The following LRRC18 variants were observed in gnomAD, a reference collection of about 807,000 sequenced individuals.
LRRC18 encodes the protein leucine-rich repeat-containing protein 18.
LRRC18 carries 12 observed loss-of-function variants against 11.2 expected under a neutral mutation model. The observed-to-expected ratio is 1.07, with a 90% CI of 0.69 to 1.74. LRRC18 has a LOEUF of 1.74. LRRC18 is among the 40% of genes most tolerant of loss of function. LRRC18 has a pLI of 0.00. For missense variants in LRRC18, 374 were observed against 330.5 expected, an observed-to-expected ratio of 1.13 and a Z score of -1.02; for synonymous variants, 155 against 130.6, an observed-to-expected ratio of 1.19 and a Z score of -1.27.
the LRRC18 span, among the ~76,000 whole-genome samples, chr10:48,929,266 G>A: frequency 1.1e-4 from 17 of 152,148 alleles, no homozygotes; most frequent in East Asian, 2.3e-3. Context: ...AGGAGGAAAG[G>A]AAGGGAGGGT....
the LRRC18 span, among the ~76,000 whole-genome samples, chr10:48,919,509 T>C: frequency 2.0e-5 from 3 of 152,228 alleles, no homozygotes; most frequent in Non-Finnish European, 2.9e-5. Context: ...TACCATAGAC[T>C]AGTTGGCTTG....
At chr10:48,928,920 C>T in the LRRC18 span, among the ~76,000 whole-genome samples, 1 of 152,302 alleles carries the variant, frequency 6.6e-6, no homozygotes, top group South Asian at 2.1e-4. Context: ...GGCACTGTTC[C>T]AGGCAGCAAA....
chr10:48,910,590 C>T (rs1471619593), intron 1 of LRRC18, among the ~76,000 whole-genome samples: 3 of 152,196 alleles, frequency 2.0e-5, no homozygotes, highest in Admixed American at 6.5e-5. Flanking sequence ...CAGTCTGCTT[C>T]GTCCTGCTGC....
exon 1 of LRRC18, chr10:48,913,425 T>C (rs757276595): frequency 1.2e-6 from 2 of 1,613,002 alleles, no homozygotes; most frequent in African/African-American, 1.3e-5. Context: ...GGCCATGGAA[T>C]TGGGTGAGAT....
At chr10:48,926,742 G>A in the LRRC18 span, among the ~76,000 whole-genome samples, 1 of 152,180 alleles carries the variant, frequency 6.6e-6, no homozygotes, top group Non-Finnish European at 1.5e-5. Flanking sequence ...CATTAATGGA[G>A]TCATTTAACT....
At chr10:48,925,178 C>G in the LRRC18 span, among the ~76,000 whole-genome samples, 1 of 152,214 alleles carries the variant, frequency 6.6e-6, no homozygotes, top group East Asian at 1.9e-4. Flanking sequence ...TCTCCCGACC[C>G]TCATATTTAC....
At chr10:48,913,469 C>G (rs375365791) in exon 1 of LRRC18, 14 of 1,606,574 alleles carry the variant, frequency 8.7e-6, no homozygotes, top group Non-Finnish European at 1.2e-5. Flanking sequence ...TCGGTGTCGT[C>G]GTGGCCATGT....
At chr10:48,920,063 C>A in the LRRC18 span, among the ~76,000 whole-genome samples, 1 of 151,746 alleles carries the variant, frequency 6.6e-6, no homozygotes, top group Non-Finnish European at 1.5e-5. Context: ...AATGACAGCC[C>A]AAACTTACTC....
upstream of LRRC18, among the ~76,000 whole-genome samples, chr10:48,919,102 A>G (rs2940718): frequency 0.34 from 50,997 of 151,972 alleles, 9,051 homozygotes; most frequent in Non-Finnish European, 0.39. Context: ...AATTTAAAGG[A>G]GTTGAAATTG....
intron 1 of LRRC18, 108 bp from the exon 4 acceptor site, chr10:48,910,366 GA>G: frequency 1.1e-6 from 1 of 950,738 alleles, no homozygotes; most frequent in Non-Finnish European, 1.7e-6. Context: ...TGACCTTCAG[GA>G]TGGTCAGGTT....
chr10:48,932,028 T>G, the LRRC18 span, among the ~76,000 whole-genome samples: 1 of 152,120 alleles, frequency 6.6e-6, no homozygotes, highest in Non-Finnish European at 1.5e-5. Context: ...GTGAGGCAAA[T>G]AGAAGTGAGC....
upstream of LRRC18, chr10:48,914,235 G>T: frequency 1.4e-6 from 2 of 1,455,384 alleles, no homozygotes; most frequent in Non-Finnish European, 1.8e-6. Flanking sequence ...ATGAAAAACT[G>T]CTGAAAGATA....
Position 48,913,218 on chromosome 10 carries a change from G to A in LRRC18, c.764+174C>T, listed in dbSNP as rs186201268. Among the ~76,000 whole-genome samples the A allele has an allele frequency of 3.8e-3, 586 of 152,260 alleles. 6 individuals carry two copies. Among genetic ancestry groups the A allele is most frequent in the Admixed American group, 0.011 (162 of 15,292 alleles). On this transcript the variant is annotated intron_variant, in intron 1 of 1. Transcript: ENST00000374160. The stretch of plus-strand genomic sequence containing the variant: ...TGTGTGGAATGGCAAGGAATCAAAA[G>A]CCCTTCAATCAACACAATCACACGC...
chr10:48,931,736 T>G, the LRRC18 span, among the ~76,000 whole-genome samples: 1 of 152,386 alleles, frequency 6.6e-6, no homozygotes, highest in Admixed American at 6.5e-5. Flanking sequence ...AAACTTTTCC[T>G]AAATTCAGAT....
intron 1 of LRRC18, among the ~76,000 whole-genome samples, chr10:48,912,064 G>A (rs547836028): frequency 6.6e-6 from 1 of 152,286 alleles, no homozygotes; most frequent in South Asian, 2.1e-4. Flanking sequence ...GGGGAAAAAA[G>A]CCTCCCTCAA....
At chr10:48,935,755 G>T in the LRRC18 span, among the ~76,000 whole-genome samples, 1 of 152,132 alleles carries the variant, frequency 6.6e-6, no homozygotes, top group Non-Finnish European at 1.5e-5. Flanking sequence ...TTACTTGATT[G>T]TATGTCATTA....
At chr10:48,914,395 C>T (rs567058998), upstream of LRRC18, among the ~76,000 whole-genome samples, 4 of 152,308 alleles carry the variant, frequency 2.6e-5, no homozygotes, top group African/African-American at 7.2e-5. Flanking sequence ...TGTCAGCAAA[C>T]TGTGTGACTT....
chr10:48,937,097 T>C, the LRRC18 span, among the ~76,000 whole-genome samples: 2 of 151,992 alleles, frequency 1.3e-5, no homozygotes, highest in Non-Finnish European at 2.9e-5. Flanking sequence ...TTTTTCCATG[T>C]TGGCTAGGCT....
At chr10:48,937,733 G>A in the LRRC18 span, among the ~76,000 whole-genome samples, 1 of 152,222 alleles carries the variant, frequency 6.6e-6, no homozygotes, top group Non-Finnish European at 1.5e-5. Flanking sequence ...GAGGTTTAAT[G>A]AGCTGTTCAT....
Sources: allele counts gnomAD v4.1 joint callset (sites outside exome capture counted in the v4.1 genomes callset), GRCh38; gene constraint gnomAD v4.1.1; transcripts MANE v1.5; gene names NCBI Gene and HGNC (gene_info 2026-07-23, HGNC 2026-07-21).